CD163L1: variants seen among roughly 807,000 people sequenced by gnomAD.
The protein encoded by CD163L1 is CD163 molecule like 1.
Under a neutral mutation model 165.4 loss-of-function variants are expected in CD163L1, and 124 were observed. That is an observed-to-expected ratio of 0.75 (90% CI 0.65 to 0.87). The LOEUF (loss-of-function observed/expected upper bound fraction) is 0.87. Among genes scored for constraint, CD163L1 ranks in the 40% least tolerant of loss-of-function variants. The pLI, the probability that CD163L1 is intolerant of heterozygous loss-of-function variation, is 0.00. For synonymous variants in CD163L1, 585 were observed against 662.2 expected (o/e 0.88, Z 1.79); for missense variants, 1,525 against 1,799.9 (o/e 0.85, Z 2.76).
rs1173402109 is a variant in CD163L1 at position 7,433,497 on chromosome 12, CA to C, written c.321del (p.His107GlnfsTer39). ...GAAACATCATCAAGCCAAATTTTTC[CA>C]TGTCTAGTCACGGCTTGTCCAAAAC... is the stretch of plus-strand genomic sequence containing the variant. ...MFRFGQAVTR[H>X]GKIWLDDVSC... is the part of the protein sequence containing the mutation. On this transcript the variant is annotated frameshift_variant, in exon 3 of 20. Transcript: ENST00000313599. LOFTEE classifies it high-confidence loss of function. 6.2e-7 allele frequency: 1 copy of C among 1,614,044 alleles called. No homozygotes were observed. Among genetic ancestry groups the C allele is most frequent in the African/African-American group, 1.3e-5 (1 of 74,914 alleles).
At chr12:7,399,340 C>T (rs866984718) in intron 6 of CD163L1, among the ~76,000 whole-genome samples, 12 of 99,728 alleles carry the variant, frequency 1.2e-4, no homozygotes, top group Admixed American at 2.1e-4. Context: ...CTTTCATTCT[C>T]TCTTCTTTCA....
chr12:7,342,177 T>G (rs895807080), downstream of CD163L1, among the ~76,000 whole-genome samples: 4 of 152,206 alleles, frequency 2.6e-5, no homozygotes, highest in South Asian at 4.1e-4. Context: ...TCTGCAGCAC[T>G]GTGACATGTT....
At chr12:7,441,677 G>A (rs1193883543) in intron 1 of CD163L1, among the ~76,000 whole-genome samples, 2 of 152,020 alleles carry the variant, frequency 1.3e-5, no homozygotes, top group Non-Finnish European at 2.9e-5. Context: ...ATATGTACCC[G>A]ATCTTGTGCT....
intron 6 of CD163L1, among the ~76,000 whole-genome samples, chr12:7,399,429 T>TAC (rs1947860764): frequency 2.0e-5 from 3 of 146,990 alleles, no homozygotes; most frequent in East Asian, 2.2e-4. Flanking sequence ...CCCTCCCCCA[T>TAC]TCTTCTTCTT....
chr12:7,374,410 G>A lies in CD163L1; in HGVS notation c.3409+32C>T, dbSNP rs1947209946. 15 of 1,580,092 alleles carry A rather than the reference G, an allele frequency of 9.5e-6. No individual in the cohort carries two copies. The highest frequency in any genetic ancestry group is 1.2e-5 in the Non-Finnish European group (14 of 1,161,770). On this transcript the variant is annotated intron_variant, in intron 13 of 19. Transcript: ENST00000313599. The surrounding 1 kb of genome is among the most constrained non-coding windows in gnomAD (Gnocchi z 5.4). ...TGTGTGCAAGTGTGTGCACGTGTGTGTAGAGGAGGGTGAAAAGGTAGCAGC... is the reference window on the plus strand; with the variant it reads ...TGTGTGCAAGTGTGTGCACGTGTGTATAGAGGAGGGTGAAAAGGTAGCAGC...
At chr12:7,437,754 A>G (rs973355918) in intron 2 of CD163L1, among the ~76,000 whole-genome samples, 14 of 150,352 alleles carry the variant, frequency 9.3e-5, no homozygotes, top group Admixed American at 1.3e-4. Context: ...ACCCTTGTAT[A>G]CTGTGGTACA....
intron 4 of CD163L1, among the ~76,000 whole-genome samples, chr12:7,428,142 A>G (rs936693362): frequency 6.6e-6 from 1 of 152,122 alleles, no homozygotes; most frequent in Admixed American, 6.6e-5. Context: ...ACTTTAAATA[A>G]AACTATAAAA....
In CD163L1 at chr12:7,432,949, T is replaced by C. The variant is rs970151788; in HGVS notation, c.446-213A>G. 3.9e-5 allele frequency among the ~76,000 whole-genome samples: 6 copies of C among 152,272 alleles called. No homozygotes were observed. The highest frequency in any genetic ancestry group is 1.4e-4 in the African/African-American group (6 of 41,550). ...AATCCTAGGTGAAAAAATCAATCAT[T>C]AGCATGATATTCTTTATCATTTTGC... On this transcript the variant is annotated intron_variant, in intron 3 of 19. Transcript: ENST00000313599. This position sits in a 1 kb window ranked among gnomAD's most constrained non-coding sequence, Gnocchi z 4.2.
intron 8 of CD163L1, among the ~76,000 whole-genome samples, chr12:7,389,002 T>A (rs1352704830): frequency 6.6e-6 from 1 of 152,234 alleles, no homozygotes; most frequent in East Asian, 1.9e-4. Context: ...TAACCATTCA[T>A]CTGTTGATGG....
chr12:7,422,800 C>T (rs949387354), intron 4 of CD163L1, among the ~76,000 whole-genome samples: 4 of 149,664 alleles, frequency 2.7e-5, no homozygotes, highest in Non-Finnish European at 3.0e-5. Flanking sequence ...CACAGGTGCA[C>T]CCAATACAGG....
chr12:7,329,620 GT>G, the CD163L1 span, among the ~76,000 whole-genome samples: 1 of 150,798 alleles, frequency 6.6e-6, no homozygotes, highest in Non-Finnish European at 1.5e-5. Context: ...GTTTGTTTGT[GT>G]TTTTTTTAAC....
chr12:7,356,837 A>G (rs1261198842), intron 19 of CD163L1, among the ~76,000 whole-genome samples: 1 of 152,136 alleles, frequency 6.6e-6, no homozygotes, highest in Non-Finnish European at 1.5e-5. Flanking sequence ...ACATTATTAT[A>G]TAACGAGTGC....
chr12:7,370,703 C>G (rs192795206), intron 14 of CD163L1, among the ~76,000 whole-genome samples: 3 of 152,074 alleles, frequency 2.0e-5, no homozygotes, highest in African/African-American at 7.2e-5. Flanking sequence ...CTCCAGTTAC[C>G]GTGTTAACTC....
At chr12:7,327,198 G>T in the CD163L1 span, 4 of 1,313,144 alleles carry the variant, frequency 3.0e-6, no homozygotes, top group Non-Finnish European at 4.1e-6. Context: ...TCATTATATA[G>T]GTAGAAGACA....
chr12:7,332,282 G>A, the CD163L1 span, among the ~76,000 whole-genome samples: 1 of 152,328 alleles, frequency 6.6e-6, no homozygotes, highest in South Asian at 2.1e-4. Flanking sequence ...ATGGGACTAT[G>A]TGAAAAGACC....
chr12:7,403,619 C>T lies in CD163L1; in HGVS notation c.1324G>A (p.Glu442Lys), dbSNP rs760772076. Reference sequence around the variant, plus strand: ...TATGTGCAGTCCCAGAGAGCTGACTCATTCCCAGTGCAAGATATGCTGTTT... The same window carrying T: ...TATGTGCAGTCCCAGAGAGCTGACTTATTCCCAGTGCAAGATATGCTGTTT... ...WINSISCTGNESALWDCTYDG... is the reference protein window; with the variant it reads ...WINSISCTGNKSALWDCTYDG... The change falls in exon 6 of 20, where the codon GAG becomes AAG. Residue 442 changes from glutamate to lysine, a missense_variant. By Grantham distance (56) the Glu-to-Lys change is moderately conservative. Coordinates refer to ENST00000313599, the MANE Select transcript of CD163L1 (RefSeq NM_174941.6). 17 of 1,614,012 alleles carry T rather than the reference C, an allele frequency of 1.1e-5. No homozygotes were observed. The highest frequency in any genetic ancestry group is 1.4e-5 in the Non-Finnish European group (16 of 1,179,962).
intron 4 of CD163L1, among the ~76,000 whole-genome samples, chr12:7,421,006 TA>T (rs756266017): frequency 0.1 from 13,398 of 131,842 alleles, 1,183 homozygotes; most frequent in African/African-American, 0.22. Flanking sequence ...CATATATATA[TA>T]TACGTGTATA....
At chr12:7,424,533 G>C (rs1460509099) in intron 4 of CD163L1, among the ~76,000 whole-genome samples, 1 of 152,176 alleles carries the variant, frequency 6.6e-6, no homozygotes, top group African/African-American at 2.4e-5. Context: ...AATAGGAAGA[G>C]AGGAAGTCAA....
At chr12:7,324,472 T>G in the CD163L1 span, 1 of 1,613,880 alleles carries the variant, frequency 6.2e-7, no homozygotes, top group Non-Finnish European at 8.5e-7. Flanking sequence ...GAGGATGTGG[T>G]GGTCAAAAAC....
Sources: allele counts gnomAD v4.1 joint callset (sites outside exome capture counted in the v4.1 genomes callset), GRCh38; gene constraint gnomAD v4.1.1; non-coding constraint Gnocchi (gnomAD v3.1); transcripts MANE v1.5; gene names NCBI Gene and HGNC (gene_info 2026-07-23, HGNC 2026-07-21).